GPM6A: variants seen among roughly 807,000 people sequenced by gnomAD.
GPM6A encodes neuronal membrane glycoprotein M6-a.
A neutral mutation model predicts 32.1 loss-of-function variants in GPM6A; 7 were observed. That is an observed-to-expected ratio of 0.22 (90% CI 0.12 to 0.41). GPM6A has a LOEUF of 0.41. GPM6A is among the 10% of genes least tolerant of loss of function. GPM6A has a pLI of 1.00. For missense variants in GPM6A, 235 were observed against 347.2 expected (o/e 0.68, Z 2.57); for synonymous variants, 130 against 123.4 (o/e 1.05, Z -0.35).
At chr4:175,694,998 G>A (rs147633455) in intron 2 of GPM6A, among the ~76,000 whole-genome samples, 166 of 152,246 alleles carry the variant, frequency 1.1e-3, no homozygotes, top group African/African-American at 3.2e-3. Flanking sequence ...TATACAACTC[G>A]GGCCACTGCT....
In GPM6A at chr4:175,835,254, G is replaced by A. The variant is rs563990932; in HGVS notation, c.-22-23005C>T. The stretch of plus-strand genomic sequence containing the variant: ...AGACTAATCTAAATGATTAGGAAAC[G>A]TAAATTTTATCTCATAGTGGAAATT... On this transcript the variant is annotated intron_variant, in intron 1 of 7. Transcript: ENST00000280187. 3.2e-3 allele frequency among the ~76,000 whole-genome samples: 492 copies of A among 152,216 alleles called. 3 individuals are homozygous for A. Among genetic ancestry groups the A allele is most frequent in the Non-Finnish European group, 5.5e-3 (372 of 68,022 alleles).
chr4:175,825,255 T>A (rs1464740609), intron 1 of GPM6A, among the ~76,000 whole-genome samples: 2 of 152,164 alleles, frequency 1.3e-5, no homozygotes, highest in African/African-American at 4.8e-5. Context: ...GGTGCAGTAA[T>A]CTTAACAGCA....
chr4:175,982,862 A>G (rs1740857911), intron 1 of GPM6A, among the ~76,000 whole-genome samples: 1 of 152,188 alleles, frequency 6.6e-6, no homozygotes, highest in Non-Finnish European at 1.5e-5. Context: ...CCAATCAATT[A>G]ATGTGGTGTA....
chr4:175,878,003 C>A (rs1001524478), intron 1 of GPM6A, among the ~76,000 whole-genome samples: 9 of 152,192 alleles, frequency 5.9e-5, no homozygotes, highest in African/African-American at 1.9e-4. Context: ...CAGGCCCCAG[C>A]AAGTCCAAAA....
chr4:175,932,071 C>A (rs555311018), intron 1 of GPM6A, among the ~76,000 whole-genome samples: 1 of 140,970 alleles, frequency 7.1e-6, no homozygotes, highest in East Asian at 2.0e-4. Context: ...CTCCAGCCTG[C>A]GAGCCAGAGT....
chr4:175,927,767 C>T (rs1738893439), intron 1 of GPM6A, among the ~76,000 whole-genome samples: 1 of 152,316 alleles, frequency 6.6e-6, no homozygotes, highest in African/African-American at 2.4e-5. Context: ...CGCCTGTAAT[C>T]CCAGCTACTC....
intron 1 of GPM6A, among the ~76,000 whole-genome samples, chr4:175,801,591 C>G (rs2111304553): frequency 6.6e-6 from 1 of 151,934 alleles, no homozygotes; most frequent in African/African-American, 2.4e-5. Flanking sequence ...ATGAAATGAC[C>G]AGTGGATATG....
At chr4:175,671,286 T>C (rs1011547047) in intron 3 of GPM6A, among the ~76,000 whole-genome samples, 1 of 151,196 alleles carries the variant, frequency 6.6e-6, no homozygotes, top group African/African-American at 2.4e-5. Flanking sequence ...CTAAGGAAGA[T>C]TTTTATATAC....
At chr4:175,873,457 C>T (rs1389199433) in intron 1 of GPM6A, among the ~76,000 whole-genome samples, 2 of 151,970 alleles carry the variant, frequency 1.3e-5, no homozygotes, top group Non-Finnish European at 2.9e-5. Flanking sequence ...CATTTATTTG[C>T]TATTCAGCTA....
chr4:175,695,834 C>G (rs1744549232), intron 2 of GPM6A, among the ~76,000 whole-genome samples: 1 of 151,998 alleles, frequency 6.6e-6, no homozygotes, highest in Non-Finnish European at 1.5e-5. Context: ...GGATCTGGTC[C>G]CCACTCAAAT....
At chr4:175,887,725 T>C (rs1448651932) in intron 1 of GPM6A, among the ~76,000 whole-genome samples, 1 of 151,516 alleles carries the variant, frequency 6.6e-6, no homozygotes, top group Non-Finnish European at 1.5e-5. Flanking sequence ...TGAAAAAAAA[T>C]AAAAAACACT....
chr4:175,802,169 T>C (rs1560941049), intron 1 of GPM6A, among the ~76,000 whole-genome samples: 1 of 152,112 alleles, frequency 6.6e-6, no homozygotes, highest in African/African-American at 2.4e-5. Flanking sequence ...TAAATAAGCT[T>C]ATCTTTCTTC....
At chr4:175,646,333 A>G (rs1434730390) in intron 4 of GPM6A, among the ~76,000 whole-genome samples, 1 of 152,240 alleles carries the variant, frequency 6.6e-6, no homozygotes, top group Non-Finnish European at 1.5e-5. Context: ...AAGAATTCCT[A>G]TTAGGAGTAT....
At chr4:175,663,613 C>T (rs1217786853) in intron 3 of GPM6A, among the ~76,000 whole-genome samples, 3 of 151,994 alleles carry the variant, frequency 2.0e-5, no homozygotes, top group South Asian at 2.1e-4. Flanking sequence ...ATATTTGAAA[C>T]CAATATGTGG....
chr4:175,954,912 A>T (rs1739936038), intron 1 of GPM6A, among the ~76,000 whole-genome samples: 1 of 152,230 alleles, frequency 6.6e-6, no homozygotes, highest in South Asian at 2.1e-4. Context: ...CAGTGCTGAG[A>T]AGGTACTACA....
At chr4:175,680,626 G>T (rs540916161) in intron 2 of GPM6A, among the ~76,000 whole-genome samples, 2 of 152,054 alleles carry the variant, frequency 1.3e-5, no homozygotes, top group African/African-American at 2.4e-5. Flanking sequence ...TGGATATACA[G>T]GACATTAACA....
intron 1 of GPM6A, among the ~76,000 whole-genome samples, chr4:175,937,457 C>A (rs1198065340): frequency 1.3e-5 from 2 of 152,128 alleles, no homozygotes; most frequent in Non-Finnish European, 1.5e-5. Context: ...ACAGAACAAG[C>A]TGCATAGTGT....
chr4:175,953,992 TAC>T (rs1739902919), intron 1 of GPM6A, among the ~76,000 whole-genome samples: 1 of 152,196 alleles, frequency 6.6e-6, no homozygotes, highest in Admixed American at 6.5e-5. Context: ...ATCTTTTTTT[TAC>T]AGTCCTGAGA....
intron 2 of GPM6A, among the ~76,000 whole-genome samples, chr4:175,699,110 A>T (rs1161606494): frequency 6.6e-6 from 1 of 152,156 alleles, no homozygotes; most frequent in Non-Finnish European, 1.5e-5. Context: ...GACATCTGTG[A>T]TGGTTTAAAA....
Sources: gnomAD v4.1 joint callset for allele counts (sites outside exome capture counted in the v4.1 genomes callset) on GRCh38, gnomAD v4.1.1 for gene constraint, MANE v1.5 for transcripts, NCBI Gene and HGNC (gene_info 2026-07-23, HGNC 2026-07-21) for gene names.